Variants in SLC10A7 observed in about 807,000 individuals in gnomAD.
The protein encoded by SLC10A7 is sodium/bile acid cotransporter 7.
SLC10A7 carries 29 observed loss-of-function variants against 43.2 expected under a neutral mutation model. The observed-to-expected ratio is 0.67, with a 90% CI of 0.50 to 0.92. SLC10A7 has a LOEUF of 0.92. SLC10A7 is among the 40% of genes least tolerant of loss of function. SLC10A7 has a pLI of 0.00. For missense variants in SLC10A7, 295 were observed against 403.2 expected (o/e 0.73, Z 2.30); for synonymous variants, 152 against 144.8 (o/e 1.05, Z -0.35).
intron 5 of SLC10A7, among the ~76,000 whole-genome samples, chr4:146,335,251 T>TAAA (rs34522588): frequency 7.6e-5 from 7 of 92,654 alleles, no homozygotes; most frequent in African/African-American, 2.1e-4. Context: ...ACAGATGTTG[T>TAAA]AAAAAAAAAA....
chr4:146,356,039 TAA>T (rs58931920), intron 5 of SLC10A7, among the ~76,000 whole-genome samples: 27,225 of 139,656 alleles, frequency 0.19, 2,772 homozygotes, highest in South Asian at 0.28. Context: ...TAAAGTATAA[TAA>T]AAAAAAAAAA....
chr4:146,432,102 T>A (rs1729824276), intron 5 of SLC10A7, among the ~76,000 whole-genome samples: 2 of 152,144 alleles, frequency 1.3e-5, no homozygotes, highest in African/African-American at 2.4e-5. Flanking sequence ...ACACACCTAT[T>A]AGAATGGCTA....
At position 146,374,622 on chromosome 4, in the gene SLC10A7, A is replaced by G. The variant is rs868789073; in HGVS notation, c.436-48626T>C. On this transcript the variant is annotated intron_variant, in intron 5 of 11. Transcript: ENST00000335472. ...TATACATATATATATATACACATAC[A>G]CACACACACACACACACACACACAC... Among the ~76,000 whole-genome samples, 65 of 105,972 alleles carry G rather than the reference A, an allele frequency of 6.1e-4. 1 individual carries two copies. Among genetic ancestry groups the G allele is most frequent in the African/African-American group, 2.5e-3 (63 of 25,318 alleles). 69.5% of individuals were successfully genotyped at this position (105,972 alleles called of 152,430 possible). A position where few individuals can be genotyped will look rare whatever the true frequency, so the allele number is the denominator to read the frequency against.
chr4:146,379,974 T>C (rs1173592617), intron 5 of SLC10A7, among the ~76,000 whole-genome samples: 2 of 150,894 alleles, frequency 1.3e-5, no homozygotes, highest in Admixed American at 6.6e-5. Flanking sequence ...TGTGTGTGTG[T>C]GTGTGTGTGC....
At chr4:146,493,941 C>T (rs1354477594) in intron 4 of SLC10A7, among the ~76,000 whole-genome samples, 1 of 152,154 alleles carries the variant, frequency 6.6e-6, no homozygotes, top group Non-Finnish European at 1.5e-5. Context: ...CAAGCTATTG[C>T]AAGCACTCGA....
chr4:146,338,288 G>A (rs1734026220), intron 5 of SLC10A7, among the ~76,000 whole-genome samples: 1 of 151,928 alleles, frequency 6.6e-6, no homozygotes, highest in African/African-American at 2.4e-5. Context: ...CTGTGTATAT[G>A]TCAGCAACTG....
At chr4:146,361,424 C>T (rs1030576609) in intron 5 of SLC10A7, among the ~76,000 whole-genome samples, 50 of 152,146 alleles carry the variant, frequency 3.3e-4, no homozygotes, top group African/African-American at 1.1e-3. Flanking sequence ...AGAAAGTGAC[C>T]GACTTGCCTG....
At chr4:146,475,635 C>G (rs1007687284) in intron 4 of SLC10A7, among the ~76,000 whole-genome samples, 1 of 152,150 alleles carries the variant, frequency 6.6e-6, no homozygotes, top group Non-Finnish European at 1.5e-5. Flanking sequence ...CAAAGACCAC[C>G]ATTCTAAACA....
intron 5 of SLC10A7, 115 bp downstream of exon 5, chr4:146,442,668 C>T: frequency 2.6e-6 from 4 of 1,516,526 alleles, no homozygotes; most frequent in Non-Finnish European, 3.5e-6. Flanking sequence ...TGAAAAGATT[C>T]AACAATTTTT....
intron 5 of SLC10A7, among the ~76,000 whole-genome samples, chr4:146,394,703 G>T (rs1458484633): frequency 6.6e-6 from 1 of 151,958 alleles, no homozygotes; most frequent in Non-Finnish European, 1.5e-5. Flanking sequence ...CTGATTTAGG[G>T]AGCAAACAGA....
At chr4:146,319,275 G>A (rs1167398265) in intron 6 of SLC10A7, among the ~76,000 whole-genome samples, 1 of 151,976 alleles carries the variant, frequency 6.6e-6, no homozygotes, top group Non-Finnish European at 1.5e-5. Flanking sequence ...AGGACACTGG[G>A]TATACTCCCA....
intron 6 of SLC10A7, among the ~76,000 whole-genome samples, chr4:146,308,627 G>A (rs1399369154): frequency 5.3e-5 from 8 of 152,102 alleles, no homozygotes; most frequent in Admixed American, 1.3e-4. Flanking sequence ...TAATTTGCAG[G>A]TGAAGTTTCC....
At chr4:146,481,360 A>G (rs1281962734) in intron 4 of SLC10A7, among the ~76,000 whole-genome samples, 1 of 152,010 alleles carries the variant, frequency 6.6e-6, no homozygotes, top group East Asian at 1.9e-4. Context: ...ACTGTGCCCC[A>G]CGCCCCACAA....
intron 7 of SLC10A7, among the ~76,000 whole-genome samples, chr4:146,301,687 C>T (rs796962317): frequency 7.2e-5 from 11 of 152,088 alleles, no homozygotes; most frequent in South Asian, 2.1e-4. Context: ...GAGGCAGAAA[C>T]GGTAGGATGA....
At chr4:146,412,640 G>T (rs1043710019) in intron 5 of SLC10A7, among the ~76,000 whole-genome samples, 32 of 151,936 alleles carry the variant, frequency 2.1e-4, no homozygotes, top group African/African-American at 7.3e-4. Context: ...ACATTTTTAA[G>T]GATTTATACA....
intron 5 of SLC10A7, among the ~76,000 whole-genome samples, chr4:146,400,979 G>GA (rs1739185075): frequency 1.3e-5 from 2 of 151,992 alleles, no homozygotes; most frequent in African/African-American, 2.4e-5. Flanking sequence ...TTAGCAACAA[G>GA]AAAAATACTC....
intron 4 of SLC10A7, among the ~76,000 whole-genome samples, chr4:146,483,028 T>C (rs766027599): frequency 3.9e-5 from 6 of 152,098 alleles, no homozygotes; most frequent in Admixed American, 1.3e-4. Context: ...AAATTTTTCA[T>C]AGACAAGCAA....
intron 5 of SLC10A7, among the ~76,000 whole-genome samples, chr4:146,356,049 A>ATATATAT (rs1329984795): frequency 1.7e-5 from 2 of 120,438 alleles, no homozygotes; most frequent in Non-Finnish European, 3.7e-5. Context: ...TAAAAAAAAA[A>ATATATAT]AAATATATAT....
At chr4:146,420,781 T>G (rs746926642) in intron 5 of SLC10A7, among the ~76,000 whole-genome samples, 3 of 152,054 alleles carry the variant, frequency 2.0e-5, no homozygotes, top group Non-Finnish European at 4.4e-5. Flanking sequence ...TCCCAGCACT[T>G]TGAGGGGCTC....
Sources: gnomAD v4.1 joint callset for allele counts (sites outside exome capture counted in the v4.1 genomes callset) on GRCh38, gnomAD v4.1.1 for gene constraint, MANE v1.5 for transcripts, NCBI Gene and HGNC (gene_info 2026-07-23, HGNC 2026-07-21) for gene names.